The following DHRS11 variants were observed in gnomAD, a reference collection of about 807,000 sequenced individuals.
The protein encoded by DHRS11 is dehydrogenase/reductase SDR family member 11.
DHRS11 carries 18 observed loss-of-function variants against 30.7 expected under a neutral mutation model. The observed-to-expected ratio is 0.59, with a 90% CI of 0.41 to 0.87. The LOEUF (loss-of-function observed/expected upper bound fraction) is 0.87. Among genes scored for constraint, DHRS11 ranks in the 40% least tolerant of loss-of-function variants. The probability of loss-of-function intolerance (pLI) is 0.00; values close to 1 mark genes in which losing one functional copy is unlikely to be tolerated. For synonymous variants in DHRS11, 123 were observed against 139.6 expected (o/e 0.88, Z 0.84); for missense variants, 300 against 349.0 (o/e 0.86, Z 1.12).
At position 36,600,255 on chromosome 17, in the gene DHRS11, C is replaced by T; in HGVS notation, c.*52C>T. The T allele has an allele frequency of 6.2e-7, 1 of 1,609,788 alleles. No individual in the cohort carries two copies. Among genetic ancestry groups the T allele is most frequent in the Non-Finnish European group, 8.5e-7 (1 of 1,176,596 alleles). On this transcript the variant is annotated 3_prime_UTR_variant, in exon 7 of 7. Transcript: ENST00000618403. ...CCCACCCTTCATGGCTTGCCTCCTG[C>T]CTCTGGATTTTAGGTGTTGATTTCT...
intron 1 of DHRS11, 192 bp from the exon 2 acceptor site, chr17:36,594,779 G>A (rs189790836): frequency 3.3e-6 from 2 of 614,540 alleles, no homozygotes; most frequent in African/African-American, 3.7e-5. Context: ...CACTCGGGGA[G>A]CACTGTCATC....
chr17:36,598,801 C>G, intron 3 of DHRS11, 120 bp from the exon 4 acceptor site: 1 of 1,325,956 alleles, frequency 7.5e-7, no homozygotes, highest in East Asian at 2.4e-5. Context: ...CAGTAGAGGT[C>G]CCCTTTAGAA....
intron 4 of DHRS11, 23 bp downstream of exon 4, chr17:36,599,073 G>GT: frequency 6.2e-7 from 1 of 1,608,026 alleles, no homozygotes; most frequent in Non-Finnish European, 8.5e-7. Context: ...CCTAGCCCTG[G>GT]TGGGCACAGG....
In DHRS11 at chr17:36,592,666, C is replaced by T. The variant is rs116331612; in HGVS notation, c.147+510C>T. 0.019 allele frequency among the ~76,000 whole-genome samples: 2,896 copies of T among 152,272 alleles called. 90 individuals carry two copies. The highest frequency in any genetic ancestry group is 0.06 in the African/African-American group (2,508 of 41,544). ...AATGAATGGAATATTCATTAGTGGG[C>T]CCTCCTCCACTCTCCTGGGGCGAAC... is the stretch of plus-strand genomic sequence containing the variant. On this transcript the variant is annotated intron_variant, in intron 1 of 6. Coordinates refer to ENST00000618403, the MANE Select transcript of DHRS11 (RefSeq NM_024308.4). This position sits in a 1 kb window ranked among gnomAD's most constrained non-coding sequence, Gnocchi z 4.4.
chr17:36,600,032 A>T lies in DHRS11; in HGVS notation c.736A>T (p.Ile246Phe). The change falls in exon 6 of 7, where the codon ATC becomes TTC. Residue 246 changes from isoleucine (I) to phenylalanine (F), a missense_variant. By Grantham distance (21) the Ile-to-Phe change is conservative (BLOSUM62 0). Coordinates refer to ENST00000618403, the MANE Select transcript of DHRS11 (RefSeq NM_024308.4). ...VIYVLSTPAH[I>F]QIGDIQMRPT... ...CTACGTCCTCAGCACCCCCGCACAC[A>T]TCCAGGTGAGTCTGGCCCTGACTGT... 6.2e-7 allele frequency: 1 copy of T among 1,613,856 alleles called. No homozygotes were observed. Among genetic ancestry groups the T allele is most frequent in the South Asian group, 1.1e-5 (1 of 90,994 alleles).
At position 36,600,342 on chromosome 17, in the gene DHRS11, T is replaced by C. The variant is rs1418685264; in HGVS notation, c.*139T>C. 16 of 945,472 alleles carry C rather than the reference T, an allele frequency of 1.7e-5. No individual in the cohort carries two copies. The African/African-American group carries it at 2.5e-4, about 15-fold the overall frequency. The allele number at this position is 945,472 out of a possible 1,614,324, so 58.6% of individuals were successfully genotyped here. ...CAGGGGCTAGAAAATTTGTTTGAGA[T>C]TTTTATATCATCTTGTCAAATTGCT... On this transcript the variant is annotated 3_prime_UTR_variant, in exon 7 of 7. Coordinates refer to ENST00000618403, the MANE Select transcript of DHRS11 (RefSeq NM_024308.4).
Position 36,592,129 on chromosome 17 carries a change from C to A in DHRS11, c.120C>A (p.Gly40=). ...ALVQQGLKVV[G]CARTVGNIEE... ...TCCAGCAGGGACTGAAGGTGGTGGG[C>A]TGCGCCCGCACTGTGGGCAACATCG... Residue 40 remains glycine (G), a synonymous_variant, in exon 1 of 7, where the codon GGC becomes GGA. Coordinates refer to ENST00000618403, the MANE Select transcript of DHRS11 (RefSeq NM_024308.4). This position sits in a 1 kb window ranked among gnomAD's most constrained non-coding sequence, Gnocchi z 4.4. The A allele has an allele frequency of 7.8e-7, 1 of 1,279,788 alleles. No individual in the cohort carries two copies. The highest frequency in any genetic ancestry group is 2.9e-5 in the East Asian group (1 of 34,324). The allele number at this position is 1,279,788 out of a possible 1,614,324, so 79.3% of individuals were successfully genotyped here.
intron 4 of DHRS11, 49 bp downstream of exon 4, chr17:36,599,099 C>T (rs772607977): frequency 4.7e-5 from 75 of 1,586,978 alleles, no homozygotes; most frequent in Non-Finnish European, 6.0e-5. Context: ...GCAGGCCCTC[C>T]CCACCCACAC....
At position 36,592,996 on chromosome 17, in the gene DHRS11, C is replaced by A. The variant is rs1370935996; in HGVS notation, c.147+840C>A. Among the ~76,000 whole-genome samples the A allele has an allele frequency of 6.6e-6, 1 of 152,032 alleles. No individual in the cohort carries two copies. The highest frequency in any genetic ancestry group is 1.5e-5 in the Non-Finnish European group (1 of 67,992). ...GAAGGTATACAGGAAGGAGGACTGT[C>A]CCCTCCCCTGCTGCTGACCAAAGGT... On this transcript the variant is annotated intron_variant, in intron 1 of 6. Transcript: ENST00000618403. This position sits in a 1 kb window ranked among gnomAD's most constrained non-coding sequence, Gnocchi z 4.4.
At chr17:36,599,249 C>A in intron 4 of DHRS11, 199 bp downstream of exon 4, 1 of 869,480 alleles carries the variant, frequency 1.2e-6, no homozygotes, top group Non-Finnish European at 1.7e-6. Flanking sequence ...CAGGAGCCAA[C>A]GACCAGACTT....
chr17:36,599,380 G>A, intron 4 of DHRS11: 3 of 561,560 alleles, frequency 5.3e-6, no homozygotes, highest in South Asian at 2.4e-5. Context: ...GATCGTGAGC[G>A]AGTCACTGAA....
intron 2 of DHRS11, chr17:36,597,418 C>T (rs980842565): frequency 9.6e-5 from 15 of 156,932 alleles, no homozygotes; most frequent in Non-Finnish European, 1.4e-4. Flanking sequence ...GTGGGGCCAA[C>T]GGGTGGGGCA....
At chr17:36,599,941 T>C in intron 5 of DHRS11, 31 bp from the exon 6 acceptor site, 1 of 1,611,952 alleles carries the variant, frequency 6.2e-7, no homozygotes. Context: ...CATTCTGTCC[T>C]TGTCTCAACC....
chr17:36,598,601 C>A (rs1349168791), intron 3 of DHRS11: 7 of 502,018 alleles, frequency 1.4e-5, no homozygotes, highest in Non-Finnish European at 2.5e-5. Context: ...GGGACATGGC[C>A]TCTGCCTGCC....
At chr17:36,598,675 T>C (rs953499273) in intron 3 of DHRS11, 18 of 544,882 alleles carry the variant, frequency 3.3e-5, no homozygotes, top group South Asian at 1.5e-4. Flanking sequence ...ATTCTGACAT[T>C]CTGCACCACC....
intron 3 of DHRS11, 35 bp downstream of exon 3, chr17:36,598,292 A>C: frequency 6.2e-7 from 1 of 1,602,260 alleles, no homozygotes; most frequent in South Asian, 1.1e-5. Context: ...CCACTCACCC[A>C]CCAGGCTGGG....
chr17:36,597,085 G>A, intron 2 of DHRS11: 1 of 294,058 alleles, frequency 3.4e-6, no homozygotes, highest in South Asian at 3.1e-5. Context: ...CCCTAGACCT[G>A]GGAGATTTAC....
chr17:36,594,796 AC>A, intron 1 of DHRS11, 174 bp from the exon 2 acceptor site: 2 of 642,514 alleles, frequency 3.1e-6, no homozygotes, highest in Non-Finnish European at 2.7e-6. Flanking sequence ...CATCCCTTAG[AC>A]TTTGACCAAA....
At position 36,592,199 on chromosome 17, in the gene DHRS11, T is replaced by C. The variant is rs944489833; in HGVS notation, c.147+43T>C. 1 of 1,246,712 alleles carries C rather than the reference T, an allele frequency of 8.0e-7. No homozygotes were observed. The highest frequency in any genetic ancestry group is 1.0e-6 in the Non-Finnish European group (1 of 995,784). 77.2% of individuals were successfully genotyped at this position (1,246,712 alleles called of 1,614,324 possible). A position where few individuals can be genotyped will look rare whatever the true frequency, so the allele number is the denominator to read the frequency against. On this transcript the variant is annotated intron_variant, in intron 1 of 6. Coordinates refer to ENST00000618403, the MANE Select transcript of DHRS11 (RefSeq NM_024308.4). This position sits in a 1 kb window ranked among gnomAD's most constrained non-coding sequence, Gnocchi z 4.4. Reference sequence around the variant, plus strand: ...GCGGGGACGTCGCGGGCGGGTCGTTTCCCCGGAGTCGGGTTCACCTGCCCG... The same window carrying C: ...GCGGGGACGTCGCGGGCGGGTCGTTCCCCCGGAGTCGGGTTCACCTGCCCG...
Sources: allele counts gnomAD v4.1 joint callset (sites outside exome capture counted in the v4.1 genomes callset), GRCh38; gene constraint gnomAD v4.1.1; non-coding constraint Gnocchi (gnomAD v3.1); transcripts MANE v1.5; gene names NCBI Gene and HGNC (gene_info 2026-07-23, HGNC 2026-07-21).